Variants in CALCR observed in about 807,000 individuals in gnomAD.
CALCR encodes calcitonin receptor.
A neutral mutation model predicts 59.5 loss-of-function variants in CALCR; 47 were observed. The ratio of observed to expected loss-of-function variants is 0.79; its 90% CI spans 0.63 to 1.01. The LOEUF is 1.01. Among genes scored for constraint, CALCR ranks in the 50% least tolerant of loss-of-function variants. The pLI, the probability that CALCR is intolerant of heterozygous loss-of-function variation, is 0.00. For missense variants in CALCR, 566 were observed against 597.1 expected (o/e 0.95, Z 0.54); for synonymous variants, 213 against 211.3 (o/e 1.01, Z -0.07).
chr7:93,500,118 T>C (rs1424570828), intron 2 of CALCR, among the ~76,000 whole-genome samples: 1 of 151,906 alleles, frequency 6.6e-6, no homozygotes, highest in Non-Finnish European at 1.5e-5. Context: ...TGAAAGTTAG[T>C]GGAAGAGCTC....
At chr7:93,476,239 TC>T (rs572190796) in intron 5 of CALCR, among the ~76,000 whole-genome samples, 16 of 151,948 alleles carry the variant, frequency 1.1e-4, no homozygotes, top group Admixed American at 2.6e-4. Flanking sequence ...CTTTTTACAT[TC>T]CAGCATATTC....
intron 2 of CALCR, among the ~76,000 whole-genome samples, chr7:93,548,071 G>A (rs980177665): frequency 1.3e-5 from 2 of 152,176 alleles, no homozygotes; most frequent in Non-Finnish European, 2.9e-5. Context: ...GTAGTTTTGA[G>A]TGTCAATTAT....
At chr7:93,515,991 T>C (rs1317160436) in intron 2 of CALCR, among the ~76,000 whole-genome samples, 2 of 151,662 alleles carry the variant, frequency 1.3e-5, no homozygotes, top group African/African-American at 4.9e-5. Context: ...TAAGAAAGCA[T>C]TGAGTCATAG....
chr7:93,515,358 C>T (rs1348604245), intron 2 of CALCR, among the ~76,000 whole-genome samples: 4 of 151,978 alleles, frequency 2.6e-5, no homozygotes, highest in Admixed American at 6.6e-5. Flanking sequence ...CTCCCTGACT[C>T]ATTGTGTTTG....
At chr7:93,444,503 A>G (rs1799973385) in intron 8 of CALCR, among the ~76,000 whole-genome samples, 1 of 152,098 alleles carries the variant, frequency 6.6e-6, no homozygotes, top group South Asian at 2.1e-4. Flanking sequence ...GTACATTAGC[A>G]TTTTGGAGTA....
At chr7:93,554,427 A>G (rs1378387201) in intron 2 of CALCR, among the ~76,000 whole-genome samples, 1 of 152,128 alleles carries the variant, frequency 6.6e-6, no homozygotes, top group Non-Finnish European at 1.5e-5. Flanking sequence ...GAAAGGAAAG[A>G]GATCAAAGAA....
intron 9 of CALCR, among the ~76,000 whole-genome samples, chr7:93,440,394 C>A (rs1799875563): frequency 6.6e-6 from 1 of 151,982 alleles, no homozygotes; most frequent in African/African-American, 2.4e-5. Context: ...TAATTTCACC[C>A]ATTTTCCTCC....
intron 2 of CALCR, among the ~76,000 whole-genome samples, chr7:93,569,011 C>G (rs186155303): frequency 9.2e-5 from 14 of 152,114 alleles, no homozygotes; most frequent in African/African-American, 3.1e-4. Context: ...CAATTTTTCT[C>G]TTTCATCTCA....
At chr7:93,461,103 C>T (rs901677087) in intron 7 of CALCR, among the ~76,000 whole-genome samples, 156 bp from the exon 8 acceptor site, 19 of 152,042 alleles carry the variant, frequency 1.2e-4, no homozygotes, top group Non-Finnish European at 1.9e-4. Flanking sequence ...AGATTTATTC[C>T]TACTTTTCTG....
chr7:93,558,719 A>G (rs1789668662), intron 2 of CALCR, among the ~76,000 whole-genome samples: 1 of 152,156 alleles, frequency 6.6e-6, no homozygotes, highest in African/African-American at 2.4e-5. Flanking sequence ...TATTAGAAAC[A>G]TGGGTAGTGA....
chr7:93,506,641 T>C lies in CALCR; in HGVS notation c.-26-19634A>G, dbSNP rs577429342. On this transcript the variant is annotated intron_variant, in intron 2 of 13. Transcript: ENST00000426151. ...AACTATTTGGTCAAACAGTTGTTGATTGTGATTTTTTTTTTTTTTTGGCTT... is the reference window on the plus strand; with the variant it reads ...AACTATTTGGTCAAACAGTTGTTGACTGTGATTTTTTTTTTTTTTTGGCTT... Among the ~76,000 whole-genome samples, 33 of 150,884 alleles carry C rather than the reference T, an allele frequency of 2.2e-4. No individual in the cohort carries two copies. In the South Asian group the frequency reaches 6.7e-3, roughly 30 times the overall value.
At chr7:93,456,054 C>T (rs1800203284) in intron 8 of CALCR, among the ~76,000 whole-genome samples, 1 of 152,114 alleles carries the variant, frequency 6.6e-6, no homozygotes, top group Non-Finnish European at 1.5e-5. Context: ...ACAAAACTCT[C>T]ATTGGAAAAC....
intron 2 of CALCR, among the ~76,000 whole-genome samples, chr7:93,562,441 A>C (rs958382031): frequency 1.1e-4 from 16 of 152,082 alleles, no homozygotes; most frequent in Non-Finnish European, 1.5e-4. Flanking sequence ...ACAACAACAA[A>C]AAACAATGAA....
chr7:93,499,493 G>A (rs1394410472), intron 2 of CALCR, among the ~76,000 whole-genome samples: 1 of 151,754 alleles, frequency 6.6e-6, no homozygotes, highest in African/African-American at 2.4e-5. Context: ...AGGAATGGAT[G>A]GCCACGTCTG....
intron 5 of CALCR, among the ~76,000 whole-genome samples, chr7:93,473,724 T>A (rs1169225795): frequency 6.6e-6 from 1 of 151,436 alleles, no homozygotes; most frequent in Admixed American, 6.6e-5. Flanking sequence ...CACTAAAATA[T>A]TTTGGAGGAA....
At chr7:93,560,357 A>G (rs1045719518) in intron 2 of CALCR, among the ~76,000 whole-genome samples, 6 of 152,114 alleles carry the variant, frequency 3.9e-5, no homozygotes, top group African/African-American at 1.4e-4. Flanking sequence ...AAAACAAAAT[A>G]AACATAAATA....
chr7:93,492,421 T>C (rs1036236811), intron 2 of CALCR, among the ~76,000 whole-genome samples: 1 of 151,450 alleles, frequency 6.6e-6, no homozygotes, highest in Non-Finnish European at 1.5e-5. Context: ...TGTATGCCTA[T>C]TATACTTGTC....
At chr7:93,449,413 A>G (rs1470348132) in intron 8 of CALCR, among the ~76,000 whole-genome samples, 1 of 152,042 alleles carries the variant, frequency 6.6e-6, no homozygotes, top group African/African-American at 2.4e-5. Context: ...ATTAAGTTTT[A>G]TTTAATGTAT....
intron 2 of CALCR, among the ~76,000 whole-genome samples, chr7:93,533,383 AT>A (rs973544694): frequency 8.6e-5 from 13 of 151,846 alleles, no homozygotes; most frequent in Non-Finnish European, 4.4e-5. Flanking sequence ...ATCCAGTATG[AT>A]TTTATTTTTG....
Sources: allele counts gnomAD v4.1 joint callset (sites outside exome capture counted in the v4.1 genomes callset), GRCh38; gene constraint gnomAD v4.1.1; transcripts MANE v1.5; gene names NCBI Gene and HGNC (gene_info 2026-07-23, HGNC 2026-07-21).